NRXN3: variants seen among roughly 807,000 people sequenced by gnomAD.
The protein encoded by NRXN3 is neurexin III.
In NRXN3, 32 loss-of-function variants were observed where a neutral mutation model predicts 137.6. The ratio of observed to expected loss-of-function variants is 0.23; its 90% CI spans 0.18 to 0.31. NRXN3 has a LOEUF of 0.31. Among genes scored for constraint, NRXN3 ranks in the 10% least tolerant of loss-of-function variants. The pLI is 1.00. For missense variants in NRXN3, 1,574 were observed against 2,062.5 expected (o/e 0.76, Z 4.59); for synonymous variants, 798 against 784.5 (o/e 1.02, Z -0.29).
chr14:78,357,022 C>T (rs75869808), intron 4 of NRXN3, among the ~76,000 whole-genome samples: 3 of 152,246 alleles, frequency 2.0e-5, no homozygotes, highest in Admixed American at 6.5e-5. Context: ...ATATGAAAAT[C>T]GACAATAGAA....
chr14:78,494,513 A>G (rs67026226), intron 4 of NRXN3, among the ~76,000 whole-genome samples: 52,537 of 150,484 alleles, frequency 0.35, 9,749 homozygotes, highest in Admixed American at 0.42. Flanking sequence ...GGTTTCACAA[A>G]TGAATGGTCT....
chr14:78,967,493 AT>A (rs2099421491), intron 13 of NRXN3, 95 bp downstream of exon 13: 1 of 822,948 alleles, frequency 1.2e-6, no homozygotes, highest in Admixed American at 2.5e-5. Context: ...AGTGCCATGC[AT>A]TTTTGATACA....
chr14:78,479,142 C>A (rs1473278963), intron 4 of NRXN3, among the ~76,000 whole-genome samples: 1 of 152,168 alleles, frequency 6.6e-6, no homozygotes, highest in African/African-American at 2.4e-5. Context: ...ATCTTGGCTA[C>A]ACATTAGAAT....
chr14:78,278,586 C>T, intron 2 of NRXN3, 59 bp from the exon 3 acceptor site: 1 of 1,374,096 alleles, frequency 7.3e-7, no homozygotes, highest in Non-Finnish European at 1.0e-6. Context: ...ACTCTTCTTC[C>T]TTTTTCTCCC....
intron 8 of NRXN3, among the ~76,000 whole-genome samples, chr14:78,782,962 A>C (rs1175979965): frequency 2.6e-5 from 4 of 152,256 alleles, no homozygotes; most frequent in Non-Finnish European, 5.9e-5. Context: ...GAAACAGGAA[A>C]AGAGAGGATC....
intron 16 of NRXN3, among the ~76,000 whole-genome samples, chr14:79,470,270 G>C (rs8014580): frequency 6.6e-6 from 1 of 152,240 alleles, no homozygotes; most frequent in East Asian, 1.9e-4. Context: ...TGCTATAACA[G>C]AATATTTGAG....
rs58170856 is a variant in NRXN3 at position 78,993,834 on chromosome 14, ATTTTTTTTT to A, written c.3262+5718_3262+5726del. 3.3e-3 allele frequency among the ~76,000 whole-genome samples: 218 copies of A among 66,976 alleles called. 2 individuals are homozygous for A. Among genetic ancestry groups the A allele is most frequent in the African/African-American group, 9.1e-3 (204 of 22,400 alleles). The allele number at this position is 66,976 out of a possible 152,430, so 43.9% of individuals were successfully genotyped here. On this transcript the variant is annotated intron_variant, in intron 15 of 20. Transcript: ENST00000335750. ...GTTTTCATTGAAGATGAGCCTTGAA[ATTTTTTTTT>A]TTTTTTTTTTTTTTTTTTTTTTTTG...
intron 8 of NRXN3, among the ~76,000 whole-genome samples, chr14:78,735,789 C>T (rs1345867408): frequency 2.6e-5 from 4 of 152,120 alleles, no homozygotes; most frequent in Non-Finnish European, 5.9e-5. Context: ...TTTACCTTCA[C>T]AAATTCAGAG....
Position 78,968,286 on chromosome 14 carries a change from C to T in NRXN3, c.3082C>T (p.Leu1028=). The change falls in exon 14 of 21, where the codon CTG becomes TTG. Residue 1028 remains leucine, a synonymous_variant. Coordinates refer to ENST00000335750, the MANE Select transcript of NRXN3 (RefSeq NM_001330195.2). ...CLASVDLNGR[L]PDLINDALHR... ...AGCATCAGTGGACTTGAATGGACGC[C>T]TGCCAGACCTCATCAATGATGCTCT... The T allele has an allele frequency of 6.2e-7, 1 of 1,614,092 alleles. No homozygotes were observed. The highest frequency in any genetic ancestry group is 8.5e-7 in the Non-Finnish European group (1 of 1,179,978).
At chr14:79,707,125 G>A (rs2098783455) in intron 19 of NRXN3, among the ~76,000 whole-genome samples, 1 of 152,010 alleles carries the variant, frequency 6.6e-6, no homozygotes, top group Non-Finnish European at 1.5e-5. Flanking sequence ...GTGATAATTT[G>A]AAAAAACATT....
chr14:79,336,503 A>G (rs377075099), intron 15 of NRXN3, among the ~76,000 whole-genome samples: 7 of 152,184 alleles, frequency 4.6e-5, no homozygotes, highest in African/African-American at 1.7e-4. Flanking sequence ...AGAGTTGTAA[A>G]TGACTTTGCT....
chr14:78,250,344 G>A (rs2068414651), intron 2 of NRXN3, among the ~76,000 whole-genome samples: 1 of 152,172 alleles, frequency 6.6e-6, no homozygotes, highest in Non-Finnish European at 1.5e-5. Flanking sequence ...TCTGACTCTG[G>A]GCTATTGGTT....
rs78621513 is a variant in NRXN3, at chr14:79,400,870, G to A, written c.3263-66351G>A. Among the ~76,000 whole-genome samples the A allele has an allele frequency of 7.8e-3, 1,194 of 152,252 alleles. 17 individuals carry two copies. The highest frequency in any genetic ancestry group is 0.026 in the African/African-American group (1,083 of 41,568). On this transcript the variant is annotated intron_variant, in intron 15 of 20. Transcript: ENST00000335750. ...CTATATATGTTGCATATAGCCCCCC[G>A]TAACAAGCCTCCTTGTTGTCTTTTG...
intron 16 of NRXN3, among the ~76,000 whole-genome samples, chr14:79,571,136 G>A (rs1018959740): frequency 6.6e-6 from 1 of 152,164 alleles, no homozygotes; most frequent in Non-Finnish European, 1.5e-5. Context: ...CTATGCTGGT[G>A]TGGAAATTTG....
chr14:79,784,778 CTTTT>C (rs1167592716), intron 19 of NRXN3, among the ~76,000 whole-genome samples: 1 of 151,990 alleles, frequency 6.6e-6, no homozygotes, highest in Admixed American at 6.6e-5. Flanking sequence ...CTTTATTCTT[CTTTT>C]GTTATTCTCA....
chr14:79,393,023 T>C (rs1398573761), intron 15 of NRXN3, among the ~76,000 whole-genome samples: 1 of 146,028 alleles, frequency 6.8e-6, no homozygotes, highest in Admixed American at 6.9e-5. Context: ...GGAGAGGATG[T>C]GGAGAAATAG....
At chr14:78,782,329 C>G (rs1378399224) in intron 8 of NRXN3, among the ~76,000 whole-genome samples, 1 of 152,132 alleles carries the variant, frequency 6.6e-6, no homozygotes, top group South Asian at 2.1e-4. Flanking sequence ...GTGGTTTAAT[C>G]GAGCTCTCCC....
chr14:79,831,165 C>T (rs141159645), intron 20 of NRXN3, among the ~76,000 whole-genome samples: 2 of 152,212 alleles, frequency 1.3e-5, no homozygotes, highest in East Asian at 1.9e-4. Context: ...TTAAGAAAAA[C>T]GCTTGCTTTA....
chr14:79,131,912 C>T (rs2057549209), intron 15 of NRXN3, among the ~76,000 whole-genome samples: 1 of 152,262 alleles, frequency 6.6e-6, no homozygotes, highest in African/African-American at 2.4e-5. Context: ...CGGAAAAACA[C>T]AGTATTCGGG....
Sources: gnomAD v4.1 joint callset for allele counts (sites outside exome capture counted in the v4.1 genomes callset) on GRCh38, gnomAD v4.1.1 for gene constraint, MANE v1.5 for transcripts, NCBI Gene and HGNC (gene_info 2026-07-23, HGNC 2026-07-21) for gene names.